Variants in B3GALT1 observed in about 807,000 individuals in gnomAD.
The protein encoded by B3GALT1 is beta-1,3-galactosyltransferase 1.
Under a neutral mutation model 23.2 loss-of-function variants are expected in B3GALT1, and 10 were observed. The ratio of observed to expected loss-of-function variants is 0.43; its 90% CI spans 0.27 to 0.73. B3GALT1 has a LOEUF of 0.73. Ranked by LOEUF, B3GALT1 falls within the 30% of genes least tolerant of loss-of-function variation. The probability of loss-of-function intolerance (pLI) is 0.21; values close to 1 mark genes in which losing one functional copy is unlikely to be tolerated. For missense variants in B3GALT1, 299 were observed against 405.4 expected (o/e 0.74, Z 2.25); for synonymous variants, 156 against 141.5 (o/e 1.10, Z -0.73).
chr2:167,563,482 C>T (rs1483221426), intron 2 of B3GALT1, among the ~76,000 whole-genome samples: 6 of 97,324 alleles, frequency 6.2e-5, no homozygotes, highest in Admixed American at 9.5e-5. Context: ...CCAGTAGGGG[C>T]GGCCGGGCAG....
chr2:167,625,666 C>T lies in B3GALT1; in HGVS notation c.-409-21243C>T, dbSNP rs868440732. Among the ~76,000 whole-genome samples the T allele has an allele frequency of 2.0e-5, 3 of 151,610 alleles. 1 individual carries two copies. The Middle Eastern group carries it at 0.01, about 519-fold the overall frequency. On this transcript the variant is annotated intron_variant, in intron 2 of 4. Transcript: ENST00000392690. The stretch of plus-strand genomic sequence containing the variant: ...GCTTTAGATTCGTGTTACAATTAAC[C>T]GTATGGCATGATTCGTTGCAAACTA...
At chr2:167,570,353 C>G (rs1188798220) in intron 2 of B3GALT1, among the ~76,000 whole-genome samples, 2 of 151,748 alleles carry the variant, frequency 1.3e-5, no homozygotes, top group Admixed American at 6.6e-5. Context: ...AGATATAGGT[C>G]TATTTTTTCT....
chr2:167,315,287 C>G (rs981317519), intron 1 of B3GALT1, among the ~76,000 whole-genome samples: 1 of 152,060 alleles, frequency 6.6e-6, no homozygotes, highest in Non-Finnish European at 1.5e-5. Context: ...TTAATCTATA[C>G]CCAAAATAAA....
At chr2:167,521,978 G>GTATA (rs1430638545) in intron 2 of B3GALT1, among the ~76,000 whole-genome samples, 58 of 90,784 alleles carry the variant, frequency 6.4e-4, no homozygotes, top group African/African-American at 2.5e-3. Flanking sequence ...ATGTGTGTGT[G>GTATA]TGTGTGTATA....
intron 2 of B3GALT1, among the ~76,000 whole-genome samples, chr2:167,624,486 T>C (rs1051263502): frequency 1.3e-5 from 2 of 152,104 alleles, no homozygotes; most frequent in Non-Finnish European, 2.9e-5. Flanking sequence ...CTAAGCATTT[T>C]ACATATTTTA....
intron 3 of B3GALT1, chr2:167,715,609 T>A: frequency 2.5e-6 from 4 of 1,613,954 alleles, no homozygotes; most frequent in Non-Finnish European, 2.5e-6. Context: ...TCTCTTCTTT[T>A]AACTCTATTT....
intron 2 of B3GALT1, among the ~76,000 whole-genome samples, chr2:167,491,458 TTCTGTG>T (rs1445561100): frequency 6.6e-6 from 1 of 151,684 alleles, no homozygotes; most frequent in Non-Finnish European, 1.5e-5. Flanking sequence ...TTTTAACAAC[TTCTGTG>T]TCTTTGGTTT....
chr2:167,446,291 T>C (rs1326380440), intron 1 of B3GALT1, among the ~76,000 whole-genome samples: 2 of 152,232 alleles, frequency 1.3e-5, no homozygotes, highest in African/African-American at 4.8e-5. Context: ...CTGGCTTCCC[T>C]TAACATTTTT....
intron 1 of B3GALT1, among the ~76,000 whole-genome samples, chr2:167,306,443 T>G (rs1337913178): frequency 6.6e-6 from 1 of 152,208 alleles, no homozygotes; most frequent in East Asian, 1.9e-4. Flanking sequence ...TCTTTATTTT[T>G]ATGTCCAGTT....
intron 2 of B3GALT1, among the ~76,000 whole-genome samples, chr2:167,629,086 G>T (rs1685394395): frequency 6.6e-6 from 1 of 151,616 alleles, no homozygotes; most frequent in South Asian, 2.1e-4. Flanking sequence ...AGCCAACAGA[G>T]GACGGATTGG....
chr2:167,349,099 T>A (rs896398826), intron 1 of B3GALT1, among the ~76,000 whole-genome samples: 3 of 152,194 alleles, frequency 2.0e-5, no homozygotes, highest in African/African-American at 7.2e-5. Context: ...ACTTGCCCCC[T>A]GCCATTCATG....
At chr2:167,408,807 A>AAAAAAAAAAAAC (rs1559087681) in intron 1 of B3GALT1, among the ~76,000 whole-genome samples, 9 of 138,068 alleles carry the variant, frequency 6.5e-5, no homozygotes, top group African/African-American at 1.1e-4. Context: ...ACAAAAAAAA[A>AAAAAAAAAAAAC]AAAAAACAAA....
At chr2:167,532,568 A>G (rs1683344083) in intron 2 of B3GALT1, among the ~76,000 whole-genome samples, 1 of 151,902 alleles carries the variant, frequency 6.6e-6, no homozygotes, top group Non-Finnish European at 1.5e-5. Context: ...ACATACACAC[A>G]CACACTCACT....
intron 2 of B3GALT1, among the ~76,000 whole-genome samples, chr2:167,532,797 A>C (rs1476954650): frequency 6.7e-6 from 1 of 149,986 alleles, no homozygotes; most frequent in Non-Finnish European, 1.5e-5. Flanking sequence ...TAGCTTTCTT[A>C]GAGTATTTTA....
intron 3 of B3GALT1, among the ~76,000 whole-genome samples, chr2:167,650,498 G>C (rs183268502): frequency 5.5e-4 from 84 of 151,724 alleles, no homozygotes; most frequent in African/African-American, 1.9e-3. Flanking sequence ...CCTTTTTTGT[G>C]ATGTCTTTAT....
chr2:167,592,528 CT>C (rs1466425155), intron 2 of B3GALT1, among the ~76,000 whole-genome samples: 1 of 152,206 alleles, frequency 6.6e-6, no homozygotes, highest in Non-Finnish European at 1.5e-5. Context: ...AATTACAGCT[CT>C]TTCAATTGTT....
chr2:167,717,214 AT>A (rs1687159165), intron 3 of B3GALT1, among the ~76,000 whole-genome samples: 2 of 134,906 alleles, frequency 1.5e-5, no homozygotes, highest in Non-Finnish European at 1.6e-5. Context: ...CTTTCCTTTG[AT>A]TTTTCTTTCT....
intron 4 of B3GALT1, among the ~76,000 whole-genome samples, chr2:167,835,114 G>C (rs1043673476): frequency 2.2e-4 from 34 of 152,108 alleles, no homozygotes; most frequent in Admixed American, 1.6e-3. Context: ...CGCAGAAGAC[G>C]GGTGATTTCT....
chr2:167,514,898 A>G (rs1700077962), intron 2 of B3GALT1, among the ~76,000 whole-genome samples: 1 of 152,200 alleles, frequency 6.6e-6, no homozygotes, highest in Non-Finnish European at 1.5e-5. Context: ...TGTTATGAAG[A>G]AAAGGTGAAA....
Sources: allele counts gnomAD v4.1 joint callset (sites outside exome capture counted in the v4.1 genomes callset), GRCh38; gene constraint gnomAD v4.1.1; transcripts MANE v1.5; gene names NCBI Gene and HGNC (gene_info 2026-07-23, HGNC 2026-07-21).